The following SHISA6 variants were observed in gnomAD, a reference collection of about 807,000 sequenced individuals.
SHISA6 encodes the protein protein shisa-6.
Under a neutral mutation model 47.9 loss-of-function variants are expected in SHISA6, and 22 were observed. That is an observed-to-expected ratio of 0.46 (90% CI 0.33 to 0.66). SHISA6 has a LOEUF of 0.66. Ranked by LOEUF, SHISA6 falls within the 30% of genes least tolerant of loss-of-function variation. The pLI, the probability that SHISA6 is intolerant of heterozygous loss-of-function variation, is 0.02. For synonymous variants in SHISA6, 388 were observed against 337.8 expected (o/e 1.15, Z -1.63); for missense variants, 680 against 764.6 (o/e 0.89, Z 1.30).
intron 2 of SHISA6, among the ~76,000 whole-genome samples, chr17:11,336,604 G>A (rs1911331608): frequency 6.6e-6 from 1 of 152,162 alleles, no homozygotes; most frequent in Non-Finnish European, 1.5e-5. Flanking sequence ...GAAGGCAGAT[G>A]AGGAGGGGGC....
chr17:11,356,834 A>G (rs1159666683), intron 2 of SHISA6, among the ~76,000 whole-genome samples: 1 of 152,090 alleles, frequency 6.6e-6, no homozygotes, highest in African/African-American at 2.4e-5. Context: ...CCTGGTAGCC[A>G]AAGAAGGGCA....
intron 2 of SHISA6, among the ~76,000 whole-genome samples, chr17:11,371,740 C>CAA (rs930230505): frequency 7.2e-6 from 1 of 139,324 alleles, no homozygotes. Context: ...AGAAAAACAA[C>CAA]AAAAAAAAAT....
intron 3 of SHISA6, among the ~76,000 whole-genome samples, chr17:11,499,332 G>C (rs1222686366): frequency 6.6e-6 from 1 of 152,088 alleles, no homozygotes; most frequent in Non-Finnish European, 1.5e-5. Context: ...TTGGGGAGTG[G>C]ACTATAAAGC....
chr17:11,390,606 T>A (rs996592757), intron 3 of SHISA6, among the ~76,000 whole-genome samples: 8 of 140,472 alleles, frequency 5.7e-5, no homozygotes, highest in South Asian at 2.4e-4. Context: ...TAAAAAATAT[T>A]TTTTTTTAAT....
chr17:11,332,935 G>T lies in SHISA6; in HGVS notation c.800-46479G>T, dbSNP rs1338596249. Among the ~76,000 whole-genome samples the T allele has an allele frequency of 2.0e-5, 3 of 152,174 alleles. No homozygotes were observed. The East Asian group carries it at 5.8e-4, about 29-fold the overall frequency. ...CTCGGGTGGTGGTAGAAGTCAAACT[G>T]CCAGTGCGGCATCTAGAGAAGTCTG... On this transcript the variant is annotated intron_variant, in intron 2 of 5. Transcript: ENST00000441885.
chr17:11,346,308 T>C (rs1167378234), intron 2 of SHISA6, among the ~76,000 whole-genome samples: 1 of 152,186 alleles, frequency 6.6e-6, no homozygotes, highest in African/African-American at 2.4e-5. Context: ...CAACCTTGAA[T>C]TTTGGGGTAA....
At position 11,557,033 on chromosome 17, in the gene SHISA6, C is replaced by G. The variant is rs7222913; in HGVS notation, c.1106-721C>G. On this transcript the variant is annotated intron_variant, in intron 5 of 5. Transcript: ENST00000441885. ...AGGTGGAGCATCTAAATGAGGCGCA[C>G]ATGTAAGATTACTCCAACCAGCTTG... 2.1e-3 allele frequency among the ~76,000 whole-genome samples: 321 copies of G among 152,228 alleles called. 1 individual carries two copies. Among genetic ancestry groups the G allele is most frequent in the African/African-American group, 7.2e-3 (299 of 41,526 alleles).
intron 1 of SHISA6, among the ~76,000 whole-genome samples, chr17:11,252,410 T>C (rs545408630): frequency 6.6e-6 from 1 of 152,316 alleles, no homozygotes; most frequent in Non-Finnish European, 1.5e-5. Context: ...GGAAGCGTGT[T>C]TTCCACCCAA....
chr17:11,290,592 T>C (rs1391034614), intron 2 of SHISA6: 1 of 152,100 alleles, frequency 6.6e-6, no homozygotes, highest in Non-Finnish European at 1.5e-5. Flanking sequence ...CCTCGTGATA[T>C]GCCTGCCTCG....
intron 3 of SHISA6, among the ~76,000 whole-genome samples, chr17:11,493,613 C>T (rs1486532465): frequency 1.3e-5 from 2 of 152,142 alleles, no homozygotes; most frequent in African/African-American, 4.8e-5. Flanking sequence ...ACACCATCTA[C>T]CAAAACCTTT....
intron 3 of SHISA6, among the ~76,000 whole-genome samples, chr17:11,448,112 A>G (rs1429176300): frequency 6.6e-6 from 1 of 152,216 alleles, no homozygotes; most frequent in East Asian, 1.9e-4. Flanking sequence ...TGGGAGCACA[A>G]GGGAAAAGGG....
At chr17:11,312,427 C>T (rs1337613108) in intron 2 of SHISA6, among the ~76,000 whole-genome samples, 1 of 152,070 alleles carries the variant, frequency 6.6e-6, no homozygotes, top group African/African-American at 2.4e-5. Context: ...CTCTTTAATA[C>T]AAAAGTTACT....
intron 2 of SHISA6, among the ~76,000 whole-genome samples, chr17:11,362,310 C>A (rs940793929): frequency 6.6e-6 from 1 of 152,080 alleles, no homozygotes; most frequent in Admixed American, 6.6e-5. Flanking sequence ...CAGCTAATTT[C>A]TTTAAGTTTT....
chr17:11,433,230 CT>C (rs1300289363), intron 3 of SHISA6, among the ~76,000 whole-genome samples: 3 of 151,266 alleles, frequency 2.0e-5, no homozygotes, highest in African/African-American at 7.3e-5. Context: ...ATCCCTCCCC[CT>C]AGCCCCCCAC....
intron 3 of SHISA6, among the ~76,000 whole-genome samples, chr17:11,460,385 A>AGTTT (rs932086804): frequency 4.6e-5 from 7 of 151,956 alleles, no homozygotes; most frequent in South Asian, 2.1e-4. Flanking sequence ...AAAAGTGATG[A>AGTTT]GTTTGTTTGT....
At chr17:11,485,761 CTTT>C (rs10582060) in intron 3 of SHISA6, among the ~76,000 whole-genome samples, 12 of 146,256 alleles carry the variant, frequency 8.2e-5, no homozygotes, top group African/African-American at 1.2e-4. Context: ...TTTGCCAGCA[CTTT>C]TTTTTTTTTT....
chr17:11,453,607 C>G (rs1915459140), intron 3 of SHISA6, among the ~76,000 whole-genome samples: 2 of 152,232 alleles, frequency 1.3e-5, no homozygotes, highest in Non-Finnish European at 2.9e-5. Flanking sequence ...GTTTTCATCT[C>G]TGCCTCTCAC....
chr17:11,419,390 G>A (rs1488176347), intron 3 of SHISA6, among the ~76,000 whole-genome samples: 1 of 151,968 alleles, frequency 6.6e-6, no homozygotes, highest in Non-Finnish European at 1.5e-5. Context: ...AAGAAGAAAG[G>A]ACAGGAGAGA....
intron 4 of SHISA6, among the ~76,000 whole-genome samples, chr17:11,554,707 G>A (rs1184789173): frequency 1.3e-5 from 2 of 152,064 alleles, no homozygotes; most frequent in Non-Finnish European, 2.9e-5. Flanking sequence ...ATTTCCCATG[G>A]CAGCCACTCA....
Sources: gnomAD v4.1 joint callset for allele counts (sites outside exome capture counted in the v4.1 genomes callset) on GRCh38, gnomAD v4.1.1 for gene constraint, MANE v1.5 for transcripts, NCBI Gene and HGNC (gene_info 2026-07-23, HGNC 2026-07-21) for gene names.